RBFOX1: variants seen among roughly 807,000 people sequenced by gnomAD.
The protein encoded by RBFOX1 is RNA binding fox-1 homolog 1.
A neutral mutation model predicts 57.7 loss-of-function variants in RBFOX1; 8 were observed. The observed-to-expected ratio is 0.14, with a 90% CI of 0.08 to 0.25. The LOEUF (loss-of-function observed/expected upper bound fraction) is 0.25. RBFOX1 is among the 10% of genes least tolerant of loss of function. RBFOX1 has a pLI of 1.00. For synonymous variants in RBFOX1, 326 were observed against 222.4 expected (o/e 1.47, Z -4.15); for missense variants, 611 against 548.5 (o/e 1.11, Z -1.14).
chr16:7,508,622 C>G (rs200701576), intron 4 of RBFOX1, among the ~76,000 whole-genome samples: 5 of 152,208 alleles, frequency 3.3e-5, no homozygotes, highest in East Asian at 1.9e-4. Context: ...GAAATGGAAA[C>G]GTAAGGACGG....
At chr16:6,394,128 G>T (rs1384061622) in intron 2 of RBFOX1, among the ~76,000 whole-genome samples, 1 of 152,178 alleles carries the variant, frequency 6.6e-6, no homozygotes, top group Non-Finnish European at 1.5e-5. Context: ...TCCAAGCTTT[G>T]TGTTTCTATT....
chr16:5,810,189 G>T (rs906416522), intron 3 of RBFOX1, among the ~76,000 whole-genome samples: 6 of 140,162 alleles, frequency 4.3e-5, no homozygotes, highest in South Asian at 2.7e-4. Context: ...GTTGGGGGAG[G>T]AGGGAGGGAT....
intron 3 of RBFOX1, among the ~76,000 whole-genome samples, chr16:6,842,429 A>G (rs920131981): frequency 6.6e-6 from 1 of 152,080 alleles, no homozygotes; most frequent in Non-Finnish European, 1.5e-5. Flanking sequence ...TGTTTGGGCA[A>G]CTTTGCTGAC....
At chr16:6,176,045 C>T (rs1413009440) in intron 1 of RBFOX1, among the ~76,000 whole-genome samples, 1 of 152,152 alleles carries the variant, frequency 6.6e-6, no homozygotes, top group Non-Finnish European at 1.5e-5. Context: ...AATGGACCAC[C>T]AGGCTGCAAA....
chr16:6,573,351 A>T (rs558561994), intron 2 of RBFOX1, among the ~76,000 whole-genome samples: 6 of 152,142 alleles, frequency 3.9e-5, no homozygotes, highest in African/African-American at 1.2e-4. Flanking sequence ...CCTGCCCCGG[A>T]CTGTCTTTCT....
At chr16:5,607,749 A>T (rs1049873896) in intron 3 of RBFOX1, among the ~76,000 whole-genome samples, 2 of 152,136 alleles carry the variant, frequency 1.3e-5, no homozygotes, top group Non-Finnish European at 2.9e-5. Flanking sequence ...TTCCAATTCC[A>T]CTGGGCTCAT....
intron 1 of RBFOX1, among the ~76,000 whole-genome samples, chr16:6,068,946 G>T (rs2095801215): frequency 6.6e-6 from 1 of 152,116 alleles, no homozygotes; most frequent in African/African-American, 2.4e-5. Flanking sequence ...AGGAGGGCAA[G>T]ACAGCTTTTC....
At chr16:7,015,327 A>G (rs2093855058) in intron 3 of RBFOX1, among the ~76,000 whole-genome samples, 1 of 152,282 alleles carries the variant, frequency 6.6e-6, no homozygotes, top group Non-Finnish European at 1.5e-5. Context: ...ACTATGGAGT[A>G]GATCTGGAGC....
intron 3 of RBFOX1, among the ~76,000 whole-genome samples, chr16:5,752,619 G>A (rs1321789549): frequency 6.6e-6 from 1 of 152,078 alleles, no homozygotes; most frequent in Admixed American, 6.5e-5. Context: ...CCAAATTGAA[G>A]ATAAACAGTC....
chr16:7,451,226 T>G (rs923113642), intron 4 of RBFOX1, among the ~76,000 whole-genome samples: 1 of 152,216 alleles, frequency 6.6e-6, no homozygotes, highest in African/African-American at 2.4e-5. Context: ...GGACCTGATA[T>G]AATCATATAA....
intron 1 of RBFOX1, among the ~76,000 whole-genome samples, chr16:5,438,605 A>G (rs917742616): frequency 1.3e-5 from 2 of 152,174 alleles, no homozygotes; most frequent in South Asian, 4.1e-4. Flanking sequence ...ACTTGATTCT[A>G]GACCACACGG....
At chr16:7,391,450 C>A (rs1354136667) in intron 4 of RBFOX1, among the ~76,000 whole-genome samples, 1 of 152,178 alleles carries the variant, frequency 6.6e-6, no homozygotes, top group Non-Finnish European at 1.5e-5. Context: ...ATGATTTTCT[C>A]CACATCTGGA....
chr16:7,631,256 CT>C (rs1230903639), intron 11 of RBFOX1, among the ~76,000 whole-genome samples: 1 of 152,156 alleles, frequency 6.6e-6, no homozygotes, highest in Non-Finnish European at 1.5e-5. Context: ...AAATAACTGT[CT>C]TTTAAAAAAT....
intron 4 of RBFOX1, among the ~76,000 whole-genome samples, chr16:7,363,055 G>A (rs1277610754): frequency 1.3e-5 from 2 of 152,204 alleles, no homozygotes; most frequent in African/African-American, 2.4e-5. Context: ...ATCACCCAGT[G>A]TGGGGCCTGG....
At chr16:7,013,599 A>G (rs2093757410) in intron 3 of RBFOX1, among the ~76,000 whole-genome samples, 1 of 152,182 alleles carries the variant, frequency 6.6e-6, no homozygotes, top group South Asian at 2.1e-4. Flanking sequence ...TTGCAACACA[A>G]CTACTAATGT....
At chr16:6,220,095 T>C (rs973501726) in intron 1 of RBFOX1, among the ~76,000 whole-genome samples, 9 of 152,148 alleles carry the variant, frequency 5.9e-5, no homozygotes, top group Non-Finnish European at 1.3e-4. Flanking sequence ...TTTCTATATG[T>C]ACATATATAA....
At chr16:5,601,691 A>C (rs978646584), downstream of RBFOX1, 1 of 152,188 alleles carries the variant, frequency 6.6e-6, no homozygotes, top group African/African-American at 2.4e-5. Context: ...AAGATACTAA[A>C]CACATTTTGC....
At chr16:5,561,467 G>C (rs183428106) in intron 2 of RBFOX1, among the ~76,000 whole-genome samples, 1 of 151,800 alleles carries the variant, frequency 6.6e-6, no homozygotes, top group Non-Finnish European at 1.5e-5. Context: ...CTGCCTTATA[G>C]ACACTTCTGG....
chr16:5,932,024 G>A (rs899973791), intron 4 of RBFOX1, among the ~76,000 whole-genome samples: 3 of 151,902 alleles, frequency 2.0e-5, no homozygotes, highest in South Asian at 2.1e-4. Flanking sequence ...GGCTGGTTTC[G>A]GACTCTTGGA....
Sources: gnomAD v4.1 joint callset for allele counts (sites outside exome capture counted in the v4.1 genomes callset) on GRCh38, gnomAD v4.1.1 for gene constraint, MANE v1.5 for transcripts, NCBI Gene and HGNC (gene_info 2026-07-23, HGNC 2026-07-21) for gene names.